Variants in DOCK8 observed in about 807,000 individuals in gnomAD.
DOCK8 encodes dedicator of cytokinesis protein 8.
In DOCK8, 141 loss-of-function variants were observed where a neutral mutation model predicts 245.6. The ratio of observed to expected loss-of-function variants is 0.57; its 90% CI spans 0.50 to 0.66. The LOEUF is 0.66. Among genes scored for constraint, DOCK8 ranks in the 30% least tolerant of loss-of-function variants. The pLI is 0.00. For missense variants in DOCK8, 2,965 were observed against 2,603.4 expected (o/e 1.14, Z -3.02); for synonymous variants, 1,168 against 970.2 (o/e 1.20, Z -3.79).
Position 428,506 on chromosome 9 carries a change from G to A in DOCK8, c.4473+10G>A, listed in dbSNP as rs1483054901. ...TGCTCTCATCGCCAAGGTAAACTTG[G>A]GATGCTTGTTTTCTTCCTCTTAATT... On this transcript the variant is annotated intron_variant, in intron 35 of 47. Coordinates refer to ENST00000432829, the MANE Select transcript of DOCK8 (RefSeq NM_203447.4). The A allele has an allele frequency of 6.2e-7, 1 of 1,613,868 alleles. No homozygotes were observed. The highest frequency in any genetic ancestry group is 8.5e-7 in the Non-Finnish European group (1 of 1,180,010).
At chr9:254,882 A>T (rs1054495033) in intron 1 of DOCK8, among the ~76,000 whole-genome samples, 2 of 152,198 alleles carry the variant, frequency 1.3e-5, no homozygotes, top group Non-Finnish European at 2.9e-5. Context: ...TATAATGCAG[A>T]TTCTAGCTGT....
At chr9:423,183 G>C (rs1586989206) in intron 33 of DOCK8, among the ~76,000 whole-genome samples, 3 of 151,422 alleles carry the variant, frequency 2.0e-5, no homozygotes, top group South Asian at 2.1e-4. Context: ...ATTGTTACCA[G>C]AAAAAAAATT....
intron 16 of DOCK8, 60 bp from the exon 17 acceptor site, chr9:371,368 A>G: frequency 1.9e-6 from 3 of 1,605,196 alleles, no homozygotes; most frequent in Non-Finnish European, 2.6e-6. Context: ...GGCGTTTTAC[A>G]ATCAGAGAAG....
intron 28 of DOCK8, among the ~76,000 whole-genome samples, chr9:410,857 A>G (rs1315697876): frequency 6.6e-6 from 1 of 152,246 alleles, no homozygotes; most frequent in African/African-American, 2.4e-5. Context: ...AGAAGACTCA[A>G]TTACTAAAAT....
Position 386,379 on chromosome 9 carries a change from A to G in DOCK8, c.2827A>G (p.Ser943Gly). The change falls in exon 23 of 48, where the codon AGT becomes GGT. Residue 943 changes from serine to glycine, a missense_variant. Ser to Gly is a moderately conservative substitution (Grantham distance 56). This residue lies in a region of DOCK8 where 2,825 missense variants were observed against 2,453.5 expected (regional missense o/e 1.15). Coordinates refer to ENST00000432829, the MANE Select transcript of DOCK8 (RefSeq NM_203447.4). ...SRMSYYCSGS[S>G]DAPSSPAAPR... ...AATGTCTTACTATTGCTCTGGCAGT[A>G]GTGATGCTCCAAGTTCACCTGCAGC... is the stretch of plus-strand genomic sequence containing the variant. The G allele has an allele frequency of 1.9e-6, 3 of 1,613,964 alleles. No individual in the cohort carries two copies. Among genetic ancestry groups the G allele is most frequent in the Admixed American group, 1.7e-5 (1 of 60,008 alleles).
intron 14 of DOCK8, among the ~76,000 whole-genome samples, chr9:367,487 ATAT>A (rs1400442051): frequency 6.6e-6 from 1 of 150,676 alleles, no homozygotes; most frequent in African/African-American, 2.5e-5. Context: ...ATGGATGGAT[ATAT>A]TATTCTTATT....
chr9:418,353 C>A lies in DOCK8; in HGVS notation c.3840+146C>A, dbSNP rs547943883. 1.5e-5 allele frequency: 17 copies of A among 1,110,370 alleles called. No homozygotes were observed. The African/African-American group carries it at 1.8e-4, about 12-fold the overall frequency. 68.8% of individuals were successfully genotyped at this position (1,110,370 alleles called of 1,614,324 possible). The stretch of plus-strand genomic sequence containing the variant: ...GTGGCGCAATCTCAGTTCACTGCAA[C>A]CTCCGCCTCCCGGGTTCTTCATGCC... On this transcript the variant is annotated intron_variant, in intron 30 of 47. Coordinates refer to ENST00000432829, the MANE Select transcript of DOCK8 (RefSeq NM_203447.4).
chr9:336,603 G>A lies in DOCK8; in HGVS notation c.1307G>A (p.Arg436Gln), dbSNP rs373630575. The A allele has an allele frequency of 1.5e-5, 25 of 1,614,062 alleles. No individual in the cohort carries two copies. Among genetic ancestry groups the A allele is most frequent in the African/African-American group, 5.3e-5 (4 of 74,936 alleles). Residue 436 changes from arginine (R) to glutamine (Q), a missense_variant, in exon 12 of 48, where the codon CGG (arginine) becomes CAG (glutamine). This residue lies in a region of DOCK8 where 2,825 missense variants were observed against 2,453.5 expected (regional missense o/e 1.15). Transcript: ENST00000432829. The stretch of plus-strand genomic sequence containing the variant: ...AAAGGGAGAAGCTCAGTGGGTGAAC[G>A]GAGGACATTGGCCCAATCTAGAAGG... Reference protein sequence around the residue: ...SVVGRSSVGERRTLAQSRRLS... With the variant: ...SVVGRSSVGEQRTLAQSRRLS...
At position 336,710 on chromosome 9, in the gene DOCK8, T is replaced by G; in HGVS notation, c.1414T>G (p.Phe472Val). Residue 472 changes from phenylalanine to valine, a missense_variant, in exon 12 of 48, where the codon TTC becomes GTC. This residue lies in a region of DOCK8 where 2,825 missense variants were observed against 2,453.5 expected (regional missense o/e 1.15). Transcript: ENST00000432829. ...KTSTLSVSSF[F>V]KQEGDRLSDE... ...CTCCACTCTGAGCGTTAGCAGCTTT[T>G]TCAAGCAGGTATCTCTTCACATTAC... The G allele has an allele frequency of 6.2e-7, 1 of 1,614,002 alleles. No individual in the cohort carries two copies. The highest frequency in any genetic ancestry group is 8.5e-7 in the Non-Finnish European group (1 of 1,179,928).
chr9:439,661 A>G (rs1436887008), intron 40 of DOCK8, among the ~76,000 whole-genome samples: 1 of 152,186 alleles, frequency 6.6e-6, no homozygotes, highest in Non-Finnish European at 1.5e-5. Flanking sequence ...TATTATTTCT[A>G]TTTAATAGGG....
intron 24 of DOCK8, among the ~76,000 whole-genome samples, chr9:393,322 CAAT>C (rs2054291626): frequency 2.1e-5 from 2 of 96,888 alleles, no homozygotes; most frequent in African/African-American, 7.1e-5. Context: ...GTTGGCATAC[CAAT>C]AGTTGGCATA....
intron 11 of DOCK8, among the ~76,000 whole-genome samples, chr9:335,113 T>C (rs2051247682): frequency 6.6e-6 from 1 of 152,124 alleles, no homozygotes; most frequent in Non-Finnish European, 1.5e-5. Context: ...AAACTCAAGT[T>C]TCCCAGCAAA....
At chr9:234,849 C>T (rs2047208357) in intron 1 of DOCK8, among the ~76,000 whole-genome samples, 1 of 151,956 alleles carries the variant, frequency 6.6e-6, no homozygotes, top group South Asian at 2.1e-4. Context: ...TGAATTTCCT[C>T]CTGTAGCTCA....
intron 26 of DOCK8, among the ~76,000 whole-genome samples, chr9:400,375 T>A (rs1272084400): frequency 7.6e-5 from 1 of 13,216 alleles, no homozygotes. Flanking sequence ...CACCACCTCC[T>A]TCACCATCAC....
At chr9:375,555 G>C (rs1390008625) in intron 18 of DOCK8, among the ~76,000 whole-genome samples, 1 of 152,190 alleles carries the variant, frequency 6.6e-6, no homozygotes, top group East Asian at 1.9e-4. Context: ...AAATTGCTGG[G>C]ATCTTAATTT....
chr9:283,705 T>C (rs2048693220), intron 2 of DOCK8, among the ~76,000 whole-genome samples: 1 of 152,192 alleles, frequency 6.6e-6, no homozygotes, highest in Admixed American at 6.5e-5. Context: ...CCATCCACGT[T>C]GCTGCAAGAG....
intron 24 of DOCK8, among the ~76,000 whole-genome samples, chr9:391,199 G>C (rs2131358350): frequency 6.6e-6 from 1 of 152,300 alleles, no homozygotes; most frequent in Middle Eastern, 3.4e-3. Flanking sequence ...CTTCTCTGTA[G>C]ATTTCAGCTT....
intron 1 of DOCK8, among the ~76,000 whole-genome samples, chr9:264,715 C>G (rs953722913): frequency 4.6e-5 from 7 of 152,116 alleles, no homozygotes; most frequent in Non-Finnish European, 8.8e-5. Context: ...ATTTTGTACA[C>G]TTTTAAAAGT....
chr9:296,361 G>A (rs1052719605), intron 4 of DOCK8, among the ~76,000 whole-genome samples: 1 of 152,186 alleles, frequency 6.6e-6, no homozygotes, highest in Admixed American at 6.5e-5. Flanking sequence ...GCCTGGTGGA[G>A]AGCTGAACTC....
Sources: allele counts gnomAD v4.1 joint callset (sites outside exome capture counted in the v4.1 genomes callset), GRCh38; gene constraint gnomAD v4.1.1; regional missense constraint gnomAD v4.1.1; transcripts MANE v1.5; gene names NCBI Gene and HGNC (gene_info 2026-07-23, HGNC 2026-07-21).